FER: variants seen among roughly 807,000 people sequenced by gnomAD.
The protein encoded by FER is FER tyrosine kinase.
Under a neutral mutation model 111.0 loss-of-function variants are expected in FER, and 63 were observed. The observed-to-expected ratio is 0.57, with a 90% CI of 0.46 to 0.70. FER has a LOEUF of 0.70. FER is among the 30% of genes least tolerant of loss of function. The pLI, the probability that FER is intolerant of heterozygous loss-of-function variation, is 0.00. For synonymous variants in FER, 327 were observed against 313.9 expected (o/e 1.04, Z -0.44); for missense variants, 914 against 954.0 (o/e 0.96, Z 0.55).
intron 11 of FER, 114 bp from the exon 12 acceptor site, chr5:108,954,615 G>C (rs552899385): frequency 2.6e-6 from 2 of 764,332 alleles, no homozygotes; most frequent in Middle Eastern, 3.9e-4. Flanking sequence ...ACTTTTAATT[G>C]GTCAATTAAA....
chr5:109,141,369 T>G (rs1241067233), intron 17 of FER, among the ~76,000 whole-genome samples: 45 of 152,190 alleles, frequency 3.0e-4, no homozygotes, highest in Admixed American at 2.9e-3. Flanking sequence ...TTCCTCTGCA[T>G]TGGGCTTGAT....
chr5:109,032,279 C>A (rs1370925249), intron 13 of FER, among the ~76,000 whole-genome samples: 1 of 152,134 alleles, frequency 6.6e-6, no homozygotes. Flanking sequence ...AACCACTAAT[C>A]ATAGGTTAGA....
In FER at chr5:109,052,297, C is replaced by G. The variant is rs547173642; in HGVS notation, c.1924+5099C>G. The G allele has an allele frequency of 2.5e-6, 4 of 1,608,930 alleles. No individual in the cohort carries two copies. In the East Asian group the frequency reaches 8.9e-5, roughly 36 times the overall value. On this transcript the variant is annotated intron_variant, in intron 16 of 19. Transcript: ENST00000281092. ...TTCACAACCAGGTTGCTGAGTGTTA[C>G]AACGAAAGGCAGACTGCTCATCTCC...
At chr5:108,816,091 C>T (rs1476860080) in intron 3 of FER, among the ~76,000 whole-genome samples, 1 of 151,790 alleles carries the variant, frequency 6.6e-6, no homozygotes, top group Non-Finnish European at 1.5e-5. Flanking sequence ...ACACACACAC[C>T]ACACATATAT....
At chr5:108,922,137 A>G (rs1322123096) in intron 10 of FER, among the ~76,000 whole-genome samples, 1 of 152,114 alleles carries the variant, frequency 6.6e-6, no homozygotes, top group Non-Finnish European at 1.5e-5. Context: ...AAGCTATAGG[A>G]AGTAAGGAAG....
intron 13 of FER, among the ~76,000 whole-genome samples, chr5:108,961,529 A>T (rs1174937810): frequency 6.6e-6 from 1 of 152,170 alleles, no homozygotes; most frequent in African/African-American, 2.4e-5. Flanking sequence ...GAAAATAAAT[A>T]TATACTGGAT....
At chr5:108,796,438 A>G (rs1756026159) in intron 2 of FER, among the ~76,000 whole-genome samples, 1 of 152,184 alleles carries the variant, frequency 6.6e-6, no homozygotes, top group African/African-American at 2.4e-5. Flanking sequence ...GAAGCCAGCG[A>G]AGCTTGTGTC....
chr5:108,881,732 A>AGGAGAG (rs1378045127), intron 8 of FER, among the ~76,000 whole-genome samples: 5 of 151,972 alleles, frequency 3.3e-5, no homozygotes, highest in African/African-American at 1.2e-4. Flanking sequence ...TGCATACATG[A>AGGAGAG]GGAGAGGGAG....
intron 11 of FER, among the ~76,000 whole-genome samples, chr5:108,948,183 G>A (rs944510476): frequency 5.3e-5 from 8 of 152,010 alleles, no homozygotes; most frequent in Non-Finnish European, 8.8e-5. Context: ...TTTACTGGAC[G>A]TGACATAACG....
intron 17 of FER, among the ~76,000 whole-genome samples, chr5:109,138,638 C>A (rs1385629288): frequency 6.6e-6 from 1 of 152,126 alleles, no homozygotes; most frequent in African/African-American, 2.4e-5. Flanking sequence ...CTCAAAAATT[C>A]TTGATTTCTC....
intron 13 of FER, among the ~76,000 whole-genome samples, chr5:108,961,087 C>A (rs554849066): frequency 0.084 from 12,823 of 152,016 alleles, 998 homozygotes; most frequent in African/African-American, 0.21. Context: ...GACCCTGTCT[C>A]TAAATAAAGT....
intron 10 of FER, among the ~76,000 whole-genome samples, chr5:108,940,547 G>A (rs1345900654): frequency 2.0e-5 from 3 of 152,032 alleles, no homozygotes; most frequent in African/African-American, 7.2e-5. Flanking sequence ...GGAAAAAATA[G>A]ACCCATGATT....
chr5:109,076,208 A>T (rs1039058627), intron 16 of FER, among the ~76,000 whole-genome samples: 3 of 152,190 alleles, frequency 2.0e-5, no homozygotes, highest in Non-Finnish European at 4.4e-5. Context: ...TAGAACCAAG[A>T]CATTCAAAGT....
intron 16 of FER, among the ~76,000 whole-genome samples, chr5:109,084,007 G>A (rs1337951479): frequency 6.6e-6 from 1 of 152,056 alleles, no homozygotes; most frequent in South Asian, 2.1e-4. Flanking sequence ...ACCTAACAAA[G>A]TATAATACAC....
intron 13 of FER, among the ~76,000 whole-genome samples, chr5:109,024,010 C>T (rs564654230): frequency 6.6e-6 from 1 of 152,042 alleles, no homozygotes; most frequent in Admixed American, 6.6e-5. Context: ...TAGAACCACC[C>T]TATATAGTAG....
chr5:108,898,636 T>G (rs1458128799), intron 10 of FER, among the ~76,000 whole-genome samples: 1 of 147,206 alleles, frequency 6.8e-6, no homozygotes, highest in South Asian at 2.3e-4. Flanking sequence ...CCTTTCTTTT[T>G]CTTTTTCTTT....
chr5:109,031,240 C>T (rs1769563703), intron 13 of FER, among the ~76,000 whole-genome samples: 1 of 152,010 alleles, frequency 6.6e-6, no homozygotes, highest in African/African-American at 2.4e-5. Context: ...TGGAAGACAT[C>T]CTGCCACTAT....
chr5:108,899,819 A>T (rs1358806115), intron 10 of FER, among the ~76,000 whole-genome samples: 1 of 151,652 alleles, frequency 6.6e-6, no homozygotes, highest in Non-Finnish European at 1.5e-5. Flanking sequence ...AAAAAAAAAA[A>T]TTCTGATCAT....
intron 1 of FER, among the ~76,000 whole-genome samples, chr5:108,749,515 A>C (rs1302944052): frequency 1.3e-5 from 2 of 151,366 alleles, no homozygotes; most frequent in African/African-American, 4.9e-5. Context: ...GGCATTCTCA[A>C]CCCCTGGTAT....
Sources: gnomAD v4.1 joint callset for allele counts (sites outside exome capture counted in the v4.1 genomes callset) on GRCh38, gnomAD v4.1.1 for gene constraint, MANE v1.5 for transcripts, NCBI Gene and HGNC (gene_info 2026-07-23, HGNC 2026-07-21) for gene names.